The following FAM120A variants were observed in gnomAD, a reference collection of about 807,000 sequenced individuals.
FAM120A encodes the protein constitutive coactivator of PPAR-gamma-like protein 1.
FAM120A carries 15 observed loss-of-function variants against 109.7 expected under a neutral mutation model. That is an observed-to-expected ratio of 0.14 (90% confidence interval 0.09 to 0.21). The LOEUF is 0.21. Among genes scored for constraint, FAM120A ranks in the 10% least tolerant of loss-of-function variants. FAM120A has a pLI of 1.00. For missense variants in FAM120A, 899 were observed against 1,439.3 expected, an observed-to-expected ratio of 0.62 and a Z score of 6.07; for synonymous variants, 493 against 572.8, an observed-to-expected ratio of 0.86 and a Z score of 1.99.
intron 16 of FAM120A, among the ~76,000 whole-genome samples, chr9:93,561,984 C>A (rs189714232): frequency 1.3e-5 from 2 of 152,310 alleles, no homozygotes; most frequent in Admixed American, 1.3e-4. Flanking sequence ...CTGTTTACGC[C>A]TAGTGTTCCA....
Position 93,516,167 on chromosome 9 carries a change from C to T in FAM120A, c.1316C>T (p.Pro439Leu), listed in dbSNP as rs371222552. The T allele has an allele frequency of 2.7e-5, 43 of 1,614,010 alleles. No individual in the cohort carries two copies. The highest frequency in any genetic ancestry group is 5.0e-5 in the Admixed American group (3 of 60,022). ...TATGAGCGGTCCTCGCCCATCAACCCGGCCCAGAGCGGCAGCCCCAACCAC... is the reference window on the plus strand; with the variant it reads ...TATGAGCGGTCCTCGCCCATCAACCTGGCCCAGAGCGGCAGCCCCAACCAC... The part of the protein sequence containing the change: ...PLYERSSPIN[P>L]AQSGSPNHVD... Residue 439 changes from proline (P) to leucine (L), a missense_variant, in exon 7 of 18, where the codon CCG (proline) becomes CTG (leucine). Physicochemically the swap from Pro to Leu is moderately conservative, Grantham distance 98. Around this residue, in one of 11 missense-constraint regions of FAM120A, gnomAD observed 31 missense variants for 71.8 expected, o/e 0.43. Coordinates refer to ENST00000277165, the MANE Select transcript of FAM120A (RefSeq NM_014612.5).
At position 93,557,888 on chromosome 9, in the gene FAM120A, C is replaced by G. The variant is rs1319817064; in HGVS notation, c.2546C>G (p.Ser849Cys). ...AGCGTCCTCGAGGGGCTCAGCTTCT[C>G]CAGGCAGAGCCACACGCTCCCTTTC... Reference protein sequence around the residue: ...RQSVLEGLSFSRQSHTLPFPP... With the variant: ...RQSVLEGLSFCRQSHTLPFPP... The change falls in exon 14 of 18, where the codon TCC (serine) becomes TGC (cysteine). Residue 849 changes from serine to cysteine, a missense_variant. Ser to Cys is a moderately radical substitution (Grantham distance 112). This residue lies in a region of FAM120A where 129 missense variants were observed against 153.4 expected (regional missense o/e 0.84). Coordinates refer to ENST00000277165, the MANE Select transcript of FAM120A (RefSeq NM_014612.5). 6.2e-7 allele frequency: 1 copy of G among 1,613,290 alleles called. No individual in the cohort carries two copies. Among genetic ancestry groups the G allele is most frequent in the East Asian group, 2.2e-5 (1 of 44,884 alleles).
intron 3 of FAM120A, among the ~76,000 whole-genome samples, chr9:93,496,674 G>C (rs1307103871): frequency 6.6e-6 from 1 of 152,196 alleles, no homozygotes; most frequent in African/African-American, 2.4e-5. Context: ...TTGGAGGTCA[G>C]CTGACAGGCA....
chr9:93,534,872 C>T (rs940685286), intron 10 of FAM120A, among the ~76,000 whole-genome samples: 2 of 152,054 alleles, frequency 1.3e-5, no homozygotes, highest in Non-Finnish European at 2.9e-5. Flanking sequence ...AAGGATACCT[C>T]AGATTTGGTT....
chr9:93,529,749 A>G, intron 9 of FAM120A, 169 bp downstream of exon 9: 1 of 673,576 alleles, frequency 1.5e-6, no homozygotes, highest in Non-Finnish European at 2.7e-6. Context: ...GAACATTTAT[A>G]ACTGTAAATA....
intron 2 of FAM120A, among the ~76,000 whole-genome samples, chr9:93,475,494 A>T (rs78855767): frequency 0.045 from 6,899 of 152,270 alleles, 263 homozygotes; most frequent in African/African-American, 0.096. Flanking sequence ...AATGTTATAA[A>T]AATCATGGTT....
intron 11 of FAM120A, among the ~76,000 whole-genome samples, chr9:93,545,549 G>A (rs1395955083): frequency 1.3e-5 from 2 of 152,102 alleles, no homozygotes; most frequent in African/African-American, 2.4e-5. Context: ...GGCTGGCACC[G>A]CTTTTGCAGG....
At chr9:93,473,945 G>T (rs1243835438) in intron 2 of FAM120A, among the ~76,000 whole-genome samples, 1 of 152,156 alleles carries the variant, frequency 6.6e-6, no homozygotes, top group African/African-American at 2.4e-5. Flanking sequence ...TATGCTCTTA[G>T]AATATGGATG....
chr9:93,519,583 G>A (rs964534875), intron 7 of FAM120A, among the ~76,000 whole-genome samples: 1 of 152,090 alleles, frequency 6.6e-6, no homozygotes, highest in Non-Finnish European at 1.5e-5. Flanking sequence ...TAGCGGAGGC[G>A]ATTGGCCTTC....
intron 7 of FAM120A, among the ~76,000 whole-genome samples, chr9:93,518,229 G>A (rs76261243): frequency 0.013 from 1,964 of 152,182 alleles, 47 homozygotes; most frequent in African/African-American, 0.045. Context: ...ATTCAACTTG[G>A]GGTGAAACCC....
intron 11 of FAM120A, among the ~76,000 whole-genome samples, chr9:93,545,933 C>T (rs912437786): frequency 8.6e-5 from 13 of 151,394 alleles, no homozygotes; most frequent in East Asian, 7.8e-4. Flanking sequence ...TACAGGCATG[C>T]GCCACCACGC....
At position 93,452,878 on chromosome 9, in the gene FAM120A, G is replaced by C. The variant is rs940306937; in HGVS notation, c.474+489G>C. Reference sequence around the variant, plus strand: ...CTTGGGGGCTGCAAATATCAGTGCTGCTGCCGCCGCCCTTGCCAATGTTGT... The same window carrying C: ...CTTGGGGGCTGCAAATATCAGTGCTCCTGCCGCCGCCCTTGCCAATGTTGT... On this transcript the variant is annotated intron_variant, in intron 1 of 17. Coordinates refer to ENST00000277165, the MANE Select transcript of FAM120A (RefSeq NM_014612.5). The surrounding 1 kb of genome is among the most constrained non-coding windows in gnomAD (Gnocchi z 7.0). The C allele has an allele frequency of 2.1e-5, 31 of 1,453,134 alleles. No homozygotes were observed. The highest frequency in any genetic ancestry group is 7.2e-5 in the South Asian group (5 of 69,804). The allele number at this position is 1,453,134 out of a possible 1,614,324, so 90.0% of individuals were successfully genotyped here.
Position 93,529,010 on chromosome 9 carries a change from T to TG in FAM120A, c.1507-342dup, listed in dbSNP as rs1364705198. On this transcript the variant is annotated intron_variant, in intron 8 of 17. Transcript: ENST00000277165. ...ATGGACCACATGGATGATGGACAAG[T>TG]GAGAGCCAAACAAGATAGCAAGGCT... Among the ~76,000 whole-genome samples, 10 of 152,236 alleles carry TG rather than the reference T, an allele frequency of 6.6e-5. No homozygotes were observed. The South Asian group carries it at 2.1e-3, about 32-fold the overall frequency.
chr9:93,470,816 T>G (rs1336085519), intron 1 of FAM120A, among the ~76,000 whole-genome samples: 1 of 152,154 alleles, frequency 6.6e-6, no homozygotes, highest in African/African-American at 2.4e-5. Context: ...CCTCTCTTTC[T>G]TGAAAATACT....
intron 1 of FAM120A, among the ~76,000 whole-genome samples, chr9:93,466,623 G>A (rs1252491593): frequency 6.6e-6 from 1 of 152,078 alleles, no homozygotes; most frequent in Non-Finnish European, 1.5e-5. Flanking sequence ...TCTGTGTCTA[G>A]GCCCTCATAG....
chr9:93,557,127 G>GTTTTTTTTTTTTTTTTTTTTTTTTTGT (rs60903831), intron 13 of FAM120A, among the ~76,000 whole-genome samples: 1 of 120,188 alleles, frequency 8.3e-6, no homozygotes, highest in Non-Finnish European at 1.7e-5. Context: ...GTTTGTTTTG[G>GTTTTTTTTTTTTTTTTTTTTTTTTTGT]TTTTTTTTTT....
At chr9:93,466,932 C>T (rs1858050290) in intron 1 of FAM120A, among the ~76,000 whole-genome samples, 1 of 152,136 alleles carries the variant, frequency 6.6e-6, no homozygotes, top group African/African-American at 2.4e-5. Context: ...GGGAGGCATA[C>T]TTACACAAGT....
chr9:93,476,797 A>G (rs541938132), intron 3 of FAM120A, among the ~76,000 whole-genome samples: 113 of 152,292 alleles, frequency 7.4e-4, no homozygotes, highest in African/African-American at 2.6e-3. Context: ...AATGGAAGTG[A>G]TCCATTTGTA....
At chr9:93,539,385 A>G (rs530335140) in intron 10 of FAM120A, among the ~76,000 whole-genome samples, 1 of 152,366 alleles carries the variant, frequency 6.6e-6, no homozygotes, top group South Asian at 2.1e-4. Context: ...GAAGTAGGCT[A>G]CTTCCTGAAG....
Sources: gnomAD v4.1 joint callset for allele counts (sites outside exome capture counted in the v4.1 genomes callset) on GRCh38, gnomAD v4.1.1 for gene constraint, gnomAD v4.1.1 regional missense constraint, Gnocchi (gnomAD v3.1) non-coding constraint, MANE v1.5 for transcripts, NCBI Gene and HGNC (gene_info 2026-07-23, HGNC 2026-07-21) for gene names.